The following NXF1 variants were observed in gnomAD, a reference collection of about 807,000 sequenced individuals.
NXF1 encodes mRNA export factor TAP.
Under a neutral mutation model 92.4 loss-of-function variants are expected in NXF1, and 43 were observed. That is an observed-to-expected ratio of 0.47 (90% CI 0.36 to 0.60). NXF1 has a LOEUF of 0.60. Ranked by LOEUF, NXF1 falls within the 20% of genes least tolerant of loss-of-function variation. The pLI is 0.00. For missense variants in NXF1, 576 were observed against 793.0 expected (o/e 0.73, Z 3.29); for synonymous variants, 288 against 292.2 (o/e 0.99, Z 0.15).
At chr11:62,799,193 T>C in intron 10 of NXF1, 3 of 985,014 alleles carry the variant, frequency 3.0e-6, no homozygotes, top group African/African-American at 1.8e-5. Flanking sequence ...GAGAAAGAAC[T>C]ACAAGGCAAA....
chr11:62,794,904 T>C (rs2084404918), intron 18 of NXF1, 31 bp downstream of exon 18: 17 of 1,601,572 alleles, frequency 1.1e-5, no homozygotes, highest in Non-Finnish European at 1.4e-5. Context: ...GGATTAGGAC[T>C]GGTATCCAAT....
In NXF1 at chr11:62,803,402, T is replaced by G; in HGVS notation, c.369+17A>C. The stretch of plus-strand genomic sequence containing the variant: ...CTCCTATCTCTACTGTACCATCTAC[T>G]TTCTCAAAGTACTCACTGTAATCTT... On this transcript the variant is annotated intron_variant, in intron 3 of 20. Transcript: ENST00000294172. 1 of 1,611,952 alleles carries G rather than the reference T, an allele frequency of 6.2e-7. No individual in the cohort carries two copies.
At chr11:62,792,859 G>GTTC in intron 19 of NXF1, 158 bp from the exon 20 acceptor site, 1 of 635,874 alleles carries the variant, frequency 1.6e-6, no homozygotes, top group Non-Finnish European at 2.8e-6. Context: ...AAGTCCAGAT[G>GTTC]TTCTACCAAT....
chr11:62,792,393 CAGG>C lies in NXF1; in HGVS notation c.*80_*82del, dbSNP rs1400414101. On this transcript the variant is annotated 3_prime_UTR_variant, in exon 21 of 21. Coordinates refer to ENST00000294172, the MANE Select transcript of NXF1 (RefSeq NM_006362.5). The stretch of plus-strand genomic sequence containing the variant: ...AGTCACGGGGCGGCCTCGGGCCAGA[CAGG>C]AGGAGATGACAGACGACAACCAGAC... The C allele has an allele frequency of 7.1e-5, 111 of 1,559,240 alleles. No homozygotes were observed. The highest frequency in any genetic ancestry group is 9.2e-5 in the Non-Finnish European group (104 of 1,130,542).
chr11:62,795,756 A>C (rs2084413047), intron 17 of NXF1, 145 bp downstream of exon 17: 3 of 785,514 alleles, frequency 3.8e-6, no homozygotes, highest in Non-Finnish European at 4.3e-6. Flanking sequence ...GAGGTAGGCC[A>C]AGCCAAGACG....
At chr11:62,796,898 C>G in intron 13 of NXF1, 1 of 544,522 alleles carries the variant, frequency 1.8e-6, no homozygotes, top group South Asian at 2.1e-5. Context: ...GAAATCCCAT[C>G]TGTACGAAAA....
chr11:62,796,587 G>GA lies in NXF1; in HGVS notation c.1179-21dup. On this transcript the variant is annotated intron_variant, in intron 13 of 20. Coordinates refer to ENST00000294172, the MANE Select transcript of NXF1 (RefSeq NM_006362.5). The stretch of plus-strand genomic sequence containing the variant: ...TAGTACCTATGGGAAAAACAAAAAA[G>GA]AAAGTATGGGCTCTGTGGTCTACAG... 1 of 1,516,522 alleles carries GA rather than the reference G, an allele frequency of 6.6e-7. No homozygotes were observed. The highest frequency in any genetic ancestry group is 9.2e-7 in the Non-Finnish European group (1 of 1,091,340). The allele number at this position is 1,516,522 out of a possible 1,614,324, so 93.9% of individuals were successfully genotyped here.
chr11:62,792,862 C>T, intron 19 of NXF1, 161 bp from the exon 20 acceptor site: 5 of 621,856 alleles, frequency 8.0e-6, no homozygotes, highest in Non-Finnish European at 1.4e-5. Context: ...TCCAGATGTT[C>T]TACCAATGGC....
At position 62,798,526 on chromosome 11, in the gene NXF1, A is replaced by G; in HGVS notation, c.1053+13T>C. The G allele has an allele frequency of 6.2e-7, 1 of 1,614,068 alleles. No homozygotes were observed. The stretch of plus-strand genomic sequence containing the variant: ...ATGCTGTGCTTGTTAGAATGAAAAA[A>G]TTATGGACTTACCAGGCGTAGTAAC... On this transcript the variant is annotated intron_variant, in intron 11 of 20. Transcript: ENST00000294172.
intron 10 of NXF1, chr11:62,800,094 A>C: frequency 7.9e-7 from 1 of 1,259,484 alleles, no homozygotes; most frequent in Non-Finnish European, 1.0e-6. Flanking sequence ...CTTTCCTGGA[A>C]CAACAGGGTA....
chr11:62,804,853 CTAACT>C (rs1409063825), intron 1 of NXF1, among the ~76,000 whole-genome samples: 1 of 152,146 alleles, frequency 6.6e-6, no homozygotes, highest in African/African-American at 2.4e-5. Context: ...CCACGCACTC[CTAACT>C]TACTACAAAG....
At chr11:62,800,598 A>T (rs1360501081) in intron 9 of NXF1, 112 bp from the exon 10 acceptor site, 76 of 626,992 alleles carry the variant, frequency 1.2e-4, no homozygotes, top group Admixed American at 3.8e-4. Flanking sequence ...ATCTTTTAAA[A>T]TTTTTTCTTT....
At chr11:62,798,126 CAAAAAAA>C (rs34495263) in intron 11 of NXF1, among the ~76,000 whole-genome samples, 1 of 98,628 alleles carries the variant, frequency 1.0e-5, no homozygotes, top group Non-Finnish European at 2.2e-5. Context: ...AGACTCCATC[CAAAAAAA>C]AAAAAAAAAA....
intron 1 of NXF1, chr11:62,804,230 G>A (rs936227438): frequency 2.0e-6 from 3 of 1,470,152 alleles, no homozygotes; most frequent in Non-Finnish European, 2.7e-6. Context: ...GAGAGAAGCA[G>A]GATGTAGAAA....
chr11:62,799,486 G>A, intron 10 of NXF1: 1 of 985,874 alleles, frequency 1.0e-6, no homozygotes, highest in Non-Finnish European at 1.2e-6. Context: ...CCCCACCTCT[G>A]TTGCCCCCAA....
intron 20 of NXF1, 24 bp from the exon 21 acceptor site, chr11:62,792,538 G>A: frequency 2.5e-6 from 4 of 1,614,202 alleles, no homozygotes; most frequent in Non-Finnish European, 2.5e-6. Flanking sequence ...AAGGTCAGTA[G>A]AGGTAGGCCT....
At chr11:62,795,088 T>C (rs768833476) in intron 17 of NXF1, 81 bp from the exon 18 acceptor site, 52 of 1,322,238 alleles carry the variant, frequency 3.9e-5, no homozygotes, top group Non-Finnish European at 5.4e-5. Flanking sequence ...TGGTCTTTGA[T>C]ATAAAGAATC....
At chr11:62,794,586 G>A (rs1225821723) in intron 18 of NXF1, 146 bp from the exon 19 acceptor site, 2 of 710,946 alleles carry the variant, frequency 2.8e-6, no homozygotes, top group Non-Finnish European at 4.6e-6. Context: ...CCCCTCCCAT[G>A]GAATCAATGT....
intron 11 of NXF1, 142 bp downstream of exon 11, chr11:62,798,397 G>T: frequency 8.1e-7 from 1 of 1,236,522 alleles, no homozygotes; most frequent in Non-Finnish European, 1.1e-6. Flanking sequence ...TCATGCTGTT[G>T]CACTCCAGCC....
Sources: allele counts gnomAD v4.1 joint callset (sites outside exome capture counted in the v4.1 genomes callset), GRCh38; gene constraint gnomAD v4.1.1; transcripts MANE v1.5; gene names NCBI Gene and HGNC (gene_info 2026-07-23, HGNC 2026-07-21).